The following FHOD1 variants were observed in gnomAD, a reference collection of about 807,000 sequenced individuals.
The protein encoded by FHOD1 is formin homology 2 domain containing 1, also known as FH1/FH2 domain-containing protein 1.
In FHOD1, 89 loss-of-function variants were observed where a neutral mutation model predicts 111.6. That is an observed-to-expected ratio of 0.80 (90% CI 0.67 to 0.95). FHOD1 has a LOEUF of 0.95. Ranked by LOEUF, FHOD1 falls within the 40% of genes least tolerant of loss-of-function variation. The probability of loss-of-function intolerance (pLI) is 0.00; values close to 1 mark genes in which losing one functional copy is unlikely to be tolerated. For synonymous variants in FHOD1, 618 were observed against 639.0 expected, an observed-to-expected ratio of 0.97 and a Z score of 0.50; for missense variants, 1,446 against 1,554.2, an observed-to-expected ratio of 0.93 and a Z score of 1.17.
intron 10 of FHOD1, 115 bp downstream of exon 10, chr16:67,236,851 G>T: frequency 1.4e-6 from 2 of 1,408,898 alleles, no homozygotes; most frequent in Admixed American, 4.6e-5. Flanking sequence ...CCCAGTGGAG[G>T]AGGTGGGGGC....
intron 2 of FHOD1, 77 bp from the exon 3 acceptor site, chr16:67,239,044 A>T (rs2034594117): frequency 2.1e-6 from 3 of 1,414,528 alleles, no homozygotes; most frequent in Non-Finnish European, 3.0e-6. Context: ...GGAGCCAAAG[A>T]CCTCCCCATG....
Position 67,233,771 on chromosome 16 carries a change from T to G in FHOD1, c.1932A>C (p.Ala644=). The G allele has an allele frequency of 6.2e-7, 1 of 1,613,854 alleles. No individual in the cohort carries two copies. Among genetic ancestry groups the G allele is most frequent in the Non-Finnish European group, 8.5e-7 (1 of 1,180,002 alleles). ...GGGTGGCGCAGGGCCCAAAGCGGCTTGCAGAGACTCCATGGCCCCCAGCCA... is the reference window on the plus strand; with the variant it reads ...GGGTGGCGCAGGGCCCAAAGCGGCTGGCAGAGACTCCATGGCCCCCAGCCA... The part of the protein sequence containing the change: ...LKLAGGHGVS[A]SRFGPCATLW... The change falls in exon 13 of 22, where the codon GCA becomes GCC. Residue 644 remains alanine, a synonymous_variant. Transcript: ENST00000258201.
At position 67,231,271 on chromosome 16, in the gene FHOD1, G is replaced by A; in HGVS notation, c.2584C>T (p.His862Tyr). 6.2e-7 allele frequency: 1 copy of A among 1,614,170 alleles called. No individual in the cohort carries two copies. Among genetic ancestry groups the A allele is most frequent in the Non-Finnish European group, 8.5e-7 (1 of 1,180,020 alleles). Residue 862 changes from histidine (H) to tyrosine (Y), a missense_variant, in exon 17 of 22, where the codon CAT (histidine) becomes TAT (tyrosine). Around this residue, in one of 3 missense-constraint regions of FHOD1, gnomAD observed 1,085 missense variants for 1,108.8 expected, o/e 0.98. Coordinates refer to ENST00000258201, the MANE Select transcript of FHOD1 (RefSeq NM_013241.3). This position sits in a 1 kb window ranked among gnomAD's most constrained non-coding sequence, Gnocchi z 4.3. The part of the protein sequence containing the change: ...DTVRRQSLLH[H>Y]LCSLVLQTRP... ...GTCTGGAGCACTAGGGAGCAGAGATGGTGTAGCAGTGACTGTCGACGCACC... is the reference window on the plus strand; with the variant it reads ...GTCTGGAGCACTAGGGAGCAGAGATAGTGTAGCAGTGACTGTCGACGCACC...
Position 67,237,514 on chromosome 16 carries a change from G to T in FHOD1, c.810C>A (p.Asp270Glu). 6.2e-7 allele frequency: 1 copy of T among 1,614,172 alleles called. No individual in the cohort carries two copies. The highest frequency in any genetic ancestry group is 1.1e-5 in the South Asian group (1 of 91,082). ...TGACCGTGTACACCAACAACTCAGG[G>T]TCAGCGCCATTCTTCTCCTCCAGGA... ...VSILEEKNGA[D>E]PELLVYTVTL... Residue 270 changes from aspartate (D) to glutamate (E), a missense_variant, in exon 8 of 22, where the codon GAC becomes GAA. By Grantham distance (45) the Asp-to-Glu change is conservative (BLOSUM62 2). Around this residue, in one of 3 missense-constraint regions of FHOD1, gnomAD observed 234 missense variants for 327.4 expected, o/e 0.71. Coordinates refer to ENST00000258201, the MANE Select transcript of FHOD1 (RefSeq NM_013241.3). The surrounding 1 kb of genome is among the most constrained non-coding windows in gnomAD (Gnocchi z 5.6).
At position 67,231,070 on chromosome 16, in the gene FHOD1, G is replaced by A. The variant is rs2034248299; in HGVS notation, c.2667+118C>T. 7.6e-7 allele frequency: 1 copy of A among 1,323,644 alleles called. No homozygotes were observed. Among genetic ancestry groups the A allele is most frequent in the South Asian group, 1.4e-5 (1 of 72,082 alleles). The allele number at this position is 1,323,644 out of a possible 1,614,324, so 82.0% of individuals were successfully genotyped here. ...GGCAGAGGGCATAGCTCACACCCAG[G>A]TGGCTGGAGCAAGCCCTGGCACAGC... On this transcript the variant is annotated intron_variant, in intron 17 of 21. Transcript: ENST00000258201. This position sits in a 1 kb window ranked among gnomAD's most constrained non-coding sequence, Gnocchi z 4.3.
rs1162642947 is a variant in FHOD1, at chr16:67,238,890, C to G, written c.373+13G>C. Reference sequence around the variant, plus strand: ...GGAGGTGCTGCTGGACATGGATGCTCTCACACACTCACCCAAGATAGCGTT... The same window carrying G: ...GGAGGTGCTGCTGGACATGGATGCTGTCACACACTCACCCAAGATAGCGTT... On this transcript the variant is annotated intron_variant, in intron 3 of 21. Transcript: ENST00000258201. This position sits in a 1 kb window ranked among gnomAD's most constrained non-coding sequence, Gnocchi z 4.2. 3.1e-6 allele frequency: 5 copies of G among 1,614,062 alleles called. No individual in the cohort carries two copies. The East Asian group carries it at 6.7e-5, about 22-fold the overall frequency.
chr16:67,230,732 G>GGCTGCCCGGCTCCGGCGCTCCA lies in FHOD1; in HGVS notation c.2705_2726dup (p.Glu910GlyfsTer18). On this transcript the variant is annotated frameshift_variant, in exon 18 of 22. Coordinates refer to ENST00000258201, the MANE Select transcript of FHOD1 (RefSeq NM_013241.3). LOFTEE classifies it high-confidence loss of function. ...TGGCCAAGCTCCGCAGGCTCTCCTCGGCTGCCCGGCTCCGGCGCTCCAGCT... is the reference window on the plus strand; with the variant it reads ...TGGCCAAGCTCCGCAGGCTCTCCTCGGCTGCCCGGCTCCGGCGCTCCAGCTGCCCGGCTCCGGCGCTCCAGCT... 1 of 1,611,516 alleles carries GGCTGCCCGGCTCCGGCGCTCCA rather than the reference G, an allele frequency of 6.2e-7. No homozygotes were observed. Among genetic ancestry groups the GGCTGCCCGGCTCCGGCGCTCCA allele is most frequent in the African/African-American group, 1.3e-5 (1 of 75,028 alleles).
rs781367878 is a variant in FHOD1 at position 67,239,389 on chromosome 16, T to C, written c.267A>G (p.Glu89=). 1 of 1,614,166 alleles carries C rather than the reference T, an allele frequency of 6.2e-7. No homozygotes were observed. The highest frequency in any genetic ancestry group is 8.5e-7 in the Non-Finnish European group (1 of 1,180,012). Residue 89 remains glutamate, a synonymous_variant, in exon 2 of 22, where the codon GAA becomes GAG. Transcript: ENST00000258201. The part of the protein sequence containing the change: ...GYYLDTELSL[E]EQREMLEGFY... ...AGCCCTCCAGCATCTCCCGCTGCTC[T>C]TCCAGGGACAGCTCGGTGTCCAGGT... is the stretch of plus-strand genomic sequence containing the variant.
rs373880096 is a variant in FHOD1 at position 67,247,457 on chromosome 16, G to C, written c.-47C>G. The C allele has an allele frequency of 2.5e-6, 4 of 1,589,446 alleles. No homozygotes were observed. The highest frequency in any genetic ancestry group is 2.6e-6 in the Non-Finnish European group (3 of 1,165,610). On this transcript the variant is annotated 5_prime_UTR_variant, in exon 1 of 22. Transcript: ENST00000258201. ...AGCGCGCCTCCGAGTCCCGGCCCCA[G>C]TGCAGCTTCTACTCAAAGCACACTG...
At chr16:67,236,311 A>T in intron 11 of FHOD1, 1 of 1,256,236 alleles carries the variant, frequency 8.0e-7, no homozygotes, top group Non-Finnish European at 1.0e-6. Flanking sequence ...GGGAGACATG[A>T]CAAGAGGCAA....
chr16:67,237,367 G>A lies in FHOD1; in HGVS notation c.865C>T (p.Pro289Ser), dbSNP rs762089938. ...TLINKTLAAL[P>S]DQDSFYDVTD... ...ACATCGTAGAAGGAGTCCTGGTCCG[G>A]GAGCGCCGCCAGCGTCTGGAGGGCG... Residue 289 changes from proline (P) to serine (S), a missense_variant, in exon 9 of 22, where the codon CCG (proline) becomes TCG (serine). Transcript: ENST00000258201. The surrounding 1 kb of genome is among the most constrained non-coding windows in gnomAD (Gnocchi z 5.6). 10 of 1,613,930 alleles carry A rather than the reference G, an allele frequency of 6.2e-6. No homozygotes were observed. The South Asian group carries it at 8.8e-5, about 14-fold the overall frequency.
intron 13 of FHOD1, among the ~76,000 whole-genome samples, chr16:67,233,395 G>A (rs2034351870): frequency 6.6e-6 from 1 of 151,976 alleles, no homozygotes; most frequent in South Asian, 2.1e-4. Flanking sequence ...CCAACTTTTA[G>A]TAGAGATAAT....
chr16:67,231,535 T>C lies in FHOD1; in HGVS notation c.2400A>G (p.Pro800=). The change falls in exon 16 of 22, where the codon CCA becomes CCG. Residue 800 remains proline (P), a synonymous_variant. Transcript: ENST00000258201. This position sits in a 1 kb window ranked among gnomAD's most constrained non-coding sequence, Gnocchi z 4.3. ...CCATACCCACTTTCAGGTCAAACAG[T>C]GGCTCAGCAATTTCCTGGTATGGGA... ...YDSMEREIAE[P]LFDLKVGMEQ... The C allele has an allele frequency of 6.2e-7, 1 of 1,614,142 alleles. No homozygotes were observed. Among genetic ancestry groups the C allele is most frequent in the East Asian group, 2.2e-5 (1 of 44,872 alleles).
chr16:67,236,425 T>C, intron 11 of FHOD1, 132 bp downstream of exon 11: 1 of 1,483,732 alleles, frequency 6.7e-7, no homozygotes, highest in South Asian at 1.4e-5. Context: ...CGGAAGCAGT[T>C]TGGTGAAGTC....
At chr16:67,241,256 C>T (rs2034659872) in intron 1 of FHOD1, among the ~76,000 whole-genome samples, 1 of 152,134 alleles carries the variant, frequency 6.6e-6, no homozygotes, top group African/African-American at 2.4e-5. Flanking sequence ...TCCCTGGGAG[C>T]AGAGTCATCT....
At chr16:67,240,348 G>A (rs1190266486) in intron 1 of FHOD1, among the ~76,000 whole-genome samples, 1 of 152,196 alleles carries the variant, frequency 6.6e-6, no homozygotes, top group East Asian at 1.9e-4. Context: ...CCAACGTGGT[G>A]AAACCCCGTC....
rs1216518806 is a variant in FHOD1, at chr16:67,230,055, A to G, written c.3214+11T>C. On this transcript the variant is annotated intron_variant, in intron 20 of 21. Transcript: ENST00000258201. ...CTGGAGCCCATTCCCCACAGCTGCT[A>G]TGGGCCTCACCTCTGCTGCGGCGAT... The G allele has an allele frequency of 2.5e-6, 4 of 1,613,600 alleles. No homozygotes were observed. Among genetic ancestry groups the G allele is most frequent in the South Asian group, 1.1e-5 (1 of 91,072 alleles).
Position 67,237,186 on chromosome 16 carries a change from C to A in FHOD1, c.993+53G>T. The A allele has an allele frequency of 6.2e-7, 1 of 1,603,856 alleles. No homozygotes were observed. The highest frequency in any genetic ancestry group is 1.3e-5 in the African/African-American group (1 of 74,836). ...AGGTGGGGTGGGGCGCTGGGGACTGCGCTTCTCTCTTCCCTCTTTCCAATC... is the reference window on the plus strand; with the variant it reads ...AGGTGGGGTGGGGCGCTGGGGACTGAGCTTCTCTCTTCCCTCTTTCCAATC... On this transcript the variant is annotated intron_variant, in intron 9 of 21. Transcript: ENST00000258201. This position sits in a 1 kb window ranked among gnomAD's most constrained non-coding sequence, Gnocchi z 5.6.
rs761023852 is a variant in FHOD1, at chr16:67,237,223, G to C, written c.993+16C>G. The C allele has an allele frequency of 1.2e-6, 2 of 1,611,036 alleles. No homozygotes were observed. Among genetic ancestry groups the C allele is most frequent in the African/African-American group, 2.7e-5 (2 of 74,866 alleles). ...CCCTCTTTCCAATCCGCCTCAGAGC[G>C]TAAGGCCCGGCCCACCTCGTAGAGC... is the stretch of plus-strand genomic sequence containing the variant. On this transcript the variant is annotated intron_variant, in intron 9 of 21. Coordinates refer to ENST00000258201, the MANE Select transcript of FHOD1 (RefSeq NM_013241.3). This position sits in a 1 kb window ranked among gnomAD's most constrained non-coding sequence, Gnocchi z 5.6.
Sources: allele counts gnomAD v4.1 joint callset (sites outside exome capture counted in the v4.1 genomes callset), GRCh38; gene constraint gnomAD v4.1.1; regional missense constraint gnomAD v4.1.1; non-coding constraint Gnocchi (gnomAD v3.1); transcripts MANE v1.5; gene names NCBI Gene and HGNC (gene_info 2026-07-23, HGNC 2026-07-21).